MTMR3: variants seen among roughly 807,000 people sequenced by gnomAD.
MTMR3 encodes the protein phosphatidylinositol-3,5-bisphosphate 3-phosphatase MTMR3.
MTMR3 carries 32 observed loss-of-function variants against 132.4 expected under a neutral mutation model. That is an observed-to-expected ratio of 0.24 (90% CI 0.18 to 0.32). MTMR3 has a LOEUF of 0.32. Among genes scored for constraint, MTMR3 ranks in the 10% least tolerant of loss-of-function variants. The pLI is 1.00. For missense variants in MTMR3, 1,216 were observed against 1,489.6 expected, an observed-to-expected ratio of 0.82 and a Z score of 3.02; for synonymous variants, 556 against 550.3, an observed-to-expected ratio of 1.01 and a Z score of -0.14.
chr22:29,906,780 T>C (rs938383682), intron 1 of MTMR3, among the ~76,000 whole-genome samples: 1 of 152,134 alleles, frequency 6.6e-6, no homozygotes, highest in South Asian at 2.1e-4. Flanking sequence ...TGTTTCACCT[T>C]ATAAAAATTA....
chr22:29,916,479 G>T (rs2065309988), intron 1 of MTMR3, among the ~76,000 whole-genome samples: 2 of 152,110 alleles, frequency 1.3e-5, no homozygotes, highest in African/African-American at 4.8e-5. Context: ...TTCTGGCTGG[G>T]GTCTGGAAAC....
At chr22:29,948,571 G>C (rs1228180504) in intron 1 of MTMR3, among the ~76,000 whole-genome samples, 1 of 152,118 alleles carries the variant, frequency 6.6e-6, no homozygotes, top group Non-Finnish European at 1.5e-5. Context: ...GCGTACTCTT[G>C]AGTTCTAATG....
chr22:29,904,187 G>A (rs754076973), intron 1 of MTMR3, among the ~76,000 whole-genome samples: 4 of 152,200 alleles, frequency 2.6e-5, no homozygotes, highest in Non-Finnish European at 5.9e-5. Context: ...GGTAGCAACT[G>A]TGGGATTAGT....
chr22:29,965,750 T>C (rs1265002882), intron 2 of MTMR3, among the ~76,000 whole-genome samples: 1 of 152,160 alleles, frequency 6.6e-6, no homozygotes, highest in African/African-American at 2.4e-5. Flanking sequence ...ATATATATAA[T>C]GTGACTGCAG....
rs150467296 is a variant in MTMR3 at position 30,016,665 on chromosome 22, C to T, written c.1641C>T (p.Phe547=). ...TTCTTCGGGCAGGCAACAAGGCTTT[C>T]AAAAACCTACTGTATTCCTCTCAGT... The part of the protein sequence containing the change: ...WSLLRAGNKA[F]KNLLYSSQSE... The change falls in exon 15 of 20, where the codon TTC becomes TTT. Residue 547 remains phenylalanine, a synonymous_variant. Transcript: ENST00000401950. 1.4e-4 allele frequency: 230 copies of T among 1,613,622 alleles called. No homozygotes were observed. The highest frequency in any genetic ancestry group is 1.9e-4 in the Non-Finnish European group (223 of 1,179,896).
At position 30,022,153 on chromosome 22, in the gene MTMR3, C is replaced by T; in HGVS notation, c.3336+14C>T. ...CAGGACACAGAGGTACAGGCTCAGC[C>T]CCTGCTCTGAGTGCCATCAATTTAA... On this transcript the variant is annotated intron_variant, in intron 18 of 19. Transcript: ENST00000401950. 1.3e-6 allele frequency: 2 copies of T among 1,592,216 alleles called. No individual in the cohort carries two copies. The highest frequency in any genetic ancestry group is 1.3e-5 in the African/African-American group (1 of 74,576).
chr22:29,927,122 T>C (rs1052538402), intron 1 of MTMR3, among the ~76,000 whole-genome samples: 1 of 152,240 alleles, frequency 6.6e-6, no homozygotes, highest in Non-Finnish European at 1.5e-5. Flanking sequence ...CTAGCATCTT[T>C]GTTAAATAAC....
chr22:30,020,854 A>G lies in MTMR3; in HGVS notation c.3195A>G (p.Leu1065=), dbSNP rs1339877775. The change falls in exon 17 of 20, where the codon CTA becomes CTG. Residue 1065 remains leucine, a synonymous_variant. Coordinates refer to ENST00000401950, the MANE Select transcript of MTMR3 (RefSeq NM_021090.4). The stretch of plus-strand genomic sequence containing the variant: ...AGAGCCAGTACCTGACCAGCTCCCT[A>G]CACTTTAATGGAGACTTTGGGGATG... ...RLESQYLTSS[L]HFNGDFGDEV... 2.5e-6 allele frequency: 4 copies of G among 1,601,518 alleles called. No individual in the cohort carries two copies. The highest frequency in any genetic ancestry group is 4.5e-5 in the East Asian group (2 of 44,484).
rs58144404 is a variant in MTMR3 at position 29,904,820 on chromosome 22, TTGTGTG to T, written c.-138+21477_-138+21482del. 7.7e-4 allele frequency among the ~76,000 whole-genome samples: 116 copies of T among 150,794 alleles called. 2 individuals carry two copies. The East Asian group carries it at 0.015, about 20-fold the overall frequency. ...ATGTTCAGAGGGGTATGTGTGTGTG[TTGTGTG>T]TGTGTGTGTGTGTGTCTTGGTTTTA... On this transcript the variant is annotated intron_variant, in intron 1 of 19. Transcript: ENST00000401950.
chr22:29,917,349 C>T (rs1441395509), intron 1 of MTMR3, among the ~76,000 whole-genome samples: 1 of 152,096 alleles, frequency 6.6e-6, no homozygotes, highest in South Asian at 2.1e-4. Flanking sequence ...AAAAATTGCA[C>T]CAGAGGAGCC....
In MTMR3 at chr22:29,932,819, G is replaced by T. The variant is rs191852688; in HGVS notation, c.-137-24217G>T. On this transcript the variant is annotated intron_variant, in intron 1 of 19. Transcript: ENST00000401950. ...AGAAATAATATAAGGAACTCTCAAT[G>T]TTCTTCACCAATTGTTTACATTTTG... is the stretch of plus-strand genomic sequence containing the variant. Among the ~76,000 whole-genome samples, 681 of 152,126 alleles carry T rather than the reference G, an allele frequency of 4.5e-3. 6 individuals are homozygous for T. The highest frequency in any genetic ancestry group is 0.015 in the African/African-American group (643 of 41,508).
intron 1 of MTMR3, among the ~76,000 whole-genome samples, chr22:29,953,460 A>G (rs2066123150): frequency 6.6e-6 from 1 of 152,086 alleles, no homozygotes; most frequent in Middle Eastern, 3.2e-3. Flanking sequence ...GGTGCTAAAT[A>G]TGTCCATTCC....
intron 1 of MTMR3, among the ~76,000 whole-genome samples, chr22:29,896,076 G>A (rs1478719655): frequency 6.6e-6 from 1 of 152,324 alleles, no homozygotes; most frequent in African/African-American, 2.4e-5. Context: ...TTGGGAGGCG[G>A]AGGTGGGCAG....
At chr22:29,935,365 G>C (rs1036460073) in intron 1 of MTMR3, among the ~76,000 whole-genome samples, 23 of 152,164 alleles carry the variant, frequency 1.5e-4, no homozygotes, top group Admixed American at 1.5e-3. Context: ...CAAGATTACA[G>C]AACTACTAGA....
intron 5 of MTMR3, chr22:29,981,087 C>G (rs1325058478): frequency 1.3e-5 from 2 of 152,118 alleles, no homozygotes; most frequent in Non-Finnish European, 2.9e-5. Context: ...CCAGTTCCCT[C>G]TGTGACAGTT....
At chr22:29,975,852 C>T (rs891817575) in intron 3 of MTMR3, among the ~76,000 whole-genome samples, 1 of 152,216 alleles carries the variant, frequency 6.6e-6, no homozygotes, top group Non-Finnish European at 1.5e-5. Context: ...GCGATCTGCC[C>T]ACTGTAGCCC....
chr22:29,978,102 C>G (rs1239629516), intron 3 of MTMR3: 3 of 170,532 alleles, frequency 1.8e-5, no homozygotes, highest in Non-Finnish European at 2.6e-5. Context: ...ATTACACCAC[C>G]GCACTACCTG....
chr22:29,967,619 C>T (rs373790344), intron 2 of MTMR3, among the ~76,000 whole-genome samples: 1 of 151,580 alleles, frequency 6.6e-6, no homozygotes, highest in Admixed American at 6.6e-5. Flanking sequence ...TTAGTATAGT[C>T]ATAAAGCTGT....
intron 1 of MTMR3, among the ~76,000 whole-genome samples, chr22:29,945,505 G>T (rs1389554576): frequency 6.6e-6 from 1 of 151,652 alleles, no homozygotes; most frequent in Non-Finnish European, 1.5e-5. Flanking sequence ...TTTGACACCA[G>T]CCTGGGTAAA....
Sources: allele counts gnomAD v4.1 joint callset (sites outside exome capture counted in the v4.1 genomes callset), GRCh38; gene constraint gnomAD v4.1.1; transcripts MANE v1.5; gene names NCBI Gene and HGNC (gene_info 2026-07-23, HGNC 2026-07-21).